PCDH15: variants seen among roughly 807,000 people sequenced by gnomAD.
PCDH15 encodes protocadherin related 15.
A neutral mutation model predicts 178.5 loss-of-function variants in PCDH15; 129 were observed. The ratio of observed to expected loss-of-function variants is 0.72; its 90% CI spans 0.63 to 0.84. PCDH15 has a LOEUF of 0.84. PCDH15 is among the 40% of genes least tolerant of loss of function. PCDH15 has a pLI of 0.00. For synonymous variants in PCDH15, 800 were observed against 732.0 expected (o/e 1.09, Z -1.50); for missense variants, 2,230 against 2,099.9 (o/e 1.06, Z -1.21).
intron 2 of PCDH15, among the ~76,000 whole-genome samples, chr10:54,637,222 GAT>G (rs1480264318): frequency 4.0e-5 from 6 of 151,518 alleles, no homozygotes; most frequent in Non-Finnish European, 5.9e-5. Flanking sequence ...TATTTTGATA[GAT>G]ATATGAGTTT....
chr10:55,348,340 C>T (rs938273565), intron 2 of PCDH15, among the ~76,000 whole-genome samples: 7 of 152,024 alleles, frequency 4.6e-5, no homozygotes, highest in African/African-American at 1.7e-4. Flanking sequence ...AGTGTTGGTC[C>T]TGTTACGTGT....
rs906364134 is a variant in PCDH15 at position 55,186,910 on chromosome 10, T to C, written c.-155-20259A>G. On this transcript the variant is annotated intron_variant, in intron 1 of 5. Transcript: ENST00000458638. ...ATATTTTGGTATAGAGTTATGAAAG[T>C]CATTCTTTATATCAGTATAGTGTGG... is the stretch of plus-strand genomic sequence containing the variant. 1.8e-4 allele frequency among the ~76,000 whole-genome samples: 27 copies of C among 151,910 alleles called. 1 individual carries two copies. The highest frequency in any genetic ancestry group is 5.9e-5 in the Non-Finnish European group (4 of 67,890).
intron 2 of PCDH15, among the ~76,000 whole-genome samples, chr10:55,064,710 G>A (rs1841519351): frequency 1.3e-5 from 2 of 152,126 alleles, no homozygotes; most frequent in South Asian, 4.2e-4. Context: ...CAAGCATAAT[G>A]TAGTTACGAG....
intron 2 of PCDH15, among the ~76,000 whole-genome samples, chr10:55,090,173 T>A: frequency 6.6e-6 from 1 of 152,000 alleles, no homozygotes; most frequent in East Asian, 1.9e-4. Flanking sequence ...TAGGAAAAAT[T>A]AATGTTATAG....
intron 1 of PCDH15, among the ~76,000 whole-genome samples, chr10:54,753,428 T>C (rs538157208): frequency 2.0e-4 from 31 of 152,040 alleles, no homozygotes; most frequent in South Asian, 1.9e-3. Context: ...AAGCTATCTG[T>C]CCACCTCGGC....
intron 19 of PCDH15, among the ~76,000 whole-genome samples, chr10:54,022,151 C>T (rs2092942688): frequency 6.6e-6 from 1 of 151,246 alleles, no homozygotes; most frequent in Admixed American, 6.6e-5. Flanking sequence ...CCTTATAGAC[C>T]AACTGAGTCA....
chr10:53,854,218 T>C (rs1204428435), intron 28 of PCDH15, among the ~76,000 whole-genome samples: 1 of 151,988 alleles, frequency 6.6e-6, no homozygotes, highest in Non-Finnish European at 1.5e-5. Context: ...GTAAAATTTA[T>C]ACATGTAGGA....
At chr10:54,312,433 C>T (rs1428435901) in intron 8 of PCDH15, among the ~76,000 whole-genome samples, 2 of 152,062 alleles carry the variant, frequency 1.3e-5, no homozygotes, top group African/African-American at 2.4e-5. Context: ...GACTTGGACA[C>T]CCCTCATATA....
At chr10:54,624,826 A>C (rs1003748506) in intron 2 of PCDH15, among the ~76,000 whole-genome samples, 2 of 152,190 alleles carry the variant, frequency 1.3e-5, no homozygotes, top group Non-Finnish European at 2.9e-5. Flanking sequence ...TCCTAATGAG[A>C]ATCTAATGCC....
At chr10:54,424,936 C>A (rs187686275) in intron 3 of PCDH15, among the ~76,000 whole-genome samples, 1 of 148,410 alleles carries the variant, frequency 6.7e-6, no homozygotes, top group African/African-American at 2.5e-5. Flanking sequence ...TGAAGCACAC[C>A]AACATGGCAC....
At chr10:54,010,133 G>A (rs1353369752) in intron 20 of PCDH15, among the ~76,000 whole-genome samples, 1 of 152,156 alleles carries the variant, frequency 6.6e-6, no homozygotes, top group African/African-American at 2.4e-5. Flanking sequence ...CAGAGGGAGA[G>A]GCTGGCTGCC....
chr10:54,010,001 G>A (rs957463685), intron 20 of PCDH15, among the ~76,000 whole-genome samples: 6 of 152,178 alleles, frequency 3.9e-5, no homozygotes, highest in Admixed American at 3.9e-4. Context: ...ACGAGGCTGA[G>A]CAGTGAAACA....
chr10:54,659,458 A>G (rs1326414629), intron 2 of PCDH15, among the ~76,000 whole-genome samples: 2 of 152,178 alleles, frequency 1.3e-5, no homozygotes, highest in East Asian at 1.9e-4. Context: ...AAATAACATT[A>G]GAAATATATA....
In PCDH15 at chr10:53,821,103, C is replaced by T. The variant is rs926937812; in HGVS notation, c.4368-873G>A. The T allele has an allele frequency of 1.0e-5, 10 of 979,156 alleles. 1 individual carries two copies. The highest frequency in any genetic ancestry group is 1.1e-4 in the East Asian group (1 of 8,782). 60.7% of individuals were successfully genotyped at this position (979,156 alleles called of 1,614,324 possible). A position where few individuals can be genotyped will look rare whatever the true frequency, so the allele number is the denominator to read the frequency against. ...CAATGAAATGCCTTACAAAAGTCAA[C>T]GACTCAAGATTTATTTTCATTATAA... On this transcript the variant is annotated intron_variant, in intron 32 of 37. Transcript: ENST00000644397.
chr10:54,578,312 A>T (rs996531316), intron 2 of PCDH15, among the ~76,000 whole-genome samples: 11 of 152,136 alleles, frequency 7.2e-5, no homozygotes, highest in African/African-American at 2.4e-4. Context: ...TTTTATAAAT[A>T]TGAGTCTCAA....
At chr10:54,212,528 T>C (rs1197361294) in intron 10 of PCDH15, among the ~76,000 whole-genome samples, 1 of 152,144 alleles carries the variant, frequency 6.6e-6, no homozygotes, top group Non-Finnish European at 1.5e-5. Context: ...ACTCTTTCAA[T>C]CCAGCAACAT....
At chr10:55,109,553 G>C (rs1349729659) in intron 2 of PCDH15, among the ~76,000 whole-genome samples, 4 of 151,994 alleles carry the variant, frequency 2.6e-5, no homozygotes, top group Non-Finnish European at 5.9e-5. Flanking sequence ...ATGAAAAATT[G>C]CTCATTTTAC....
At chr10:54,291,655 C>T (rs896662201) in intron 8 of PCDH15, among the ~76,000 whole-genome samples, 1 of 152,140 alleles carries the variant, frequency 6.6e-6, no homozygotes, top group East Asian at 1.9e-4. Context: ...ACAGATCCCA[C>T]AGAAACACAA....
chr10:54,639,047 T>C (rs1235110501), intron 2 of PCDH15, among the ~76,000 whole-genome samples: 1 of 152,134 alleles, frequency 6.6e-6, no homozygotes, highest in Non-Finnish European at 1.5e-5. Context: ...AACAAGCCAC[T>C]GTCCCTTTAA....
Sources: gnomAD v4.1 joint callset for allele counts (sites outside exome capture counted in the v4.1 genomes callset) on GRCh38, gnomAD v4.1.1 for gene constraint, MANE v1.5 for transcripts, NCBI Gene and HGNC (gene_info 2026-07-23, HGNC 2026-07-21) for gene names.